The following ALG8 variants were observed in gnomAD, a reference collection of about 807,000 sequenced individuals.
ALG8 encodes dolichyl pyrophosphate Glc1Man9GlcNAc2 alpha-1,3-glucosyltransferase.
In ALG8, 48 loss-of-function variants were observed where a neutral mutation model predicts 70.2. The observed-to-expected ratio is 0.68, with a 90% CI of 0.54 to 0.87. The LOEUF is 0.87. Ranked by LOEUF, ALG8 falls within the 40% of genes least tolerant of loss-of-function variation. The pLI is 0.00. For synonymous variants in ALG8, 234 were observed against 229.0 expected (o/e 1.02, Z -0.20); for missense variants, 572 against 608.7 (o/e 0.94, Z 0.64).
chr11:78,123,941 A>G, intron 3 of ALG8, 80 bp downstream of exon 3: 1 of 1,479,936 alleles, frequency 6.8e-7, no homozygotes, highest in Non-Finnish European at 9.4e-7. Flanking sequence ...TTCCTCCTAA[A>G]TTGGGAGTAA....
intron 1 of ALG8, among the ~76,000 whole-genome samples, chr11:78,134,860 TCA>T (rs1352159688): frequency 6.6e-6 from 1 of 152,230 alleles, no homozygotes; most frequent in East Asian, 1.9e-4. Context: ...CTTGAACCCC[TCA>T]AAGTTATCCA....
At chr11:78,111,946 T>C (rs188887504) in intron 8 of ALG8, among the ~76,000 whole-genome samples, 7 of 152,272 alleles carry the variant, frequency 4.6e-5, no homozygotes, top group African/African-American at 1.7e-4. Flanking sequence ...AGTCACAACT[T>C]ACATATTCTT....
Position 78,109,551 on chromosome 11 carries a change from T to G in ALG8, c.929A>C (p.Asn310Thr). 1 of 1,614,146 alleles carries G rather than the reference T, an allele frequency of 6.2e-7. No individual in the cohort carries two copies. The highest frequency in any genetic ancestry group is 8.5e-7 in the Non-Finnish European group (1 of 1,180,000). The part of the protein sequence containing the change: ...GLKLKFLDPN[N>T]IPKASMTSGL... Reference sequence around the variant, plus strand: ...ACTTGTCATTGAGGCCTTGGGAATATTGTTGGGATCAAGAAATTTCAATTT... The same window carrying G: ...ACTTGTCATTGAGGCCTTGGGAATAGTGTTGGGATCAAGAAATTTCAATTT... Residue 310 changes from asparagine (N) to threonine (T), a missense_variant, in exon 9 of 13, where the codon AAT becomes ACT. Physicochemically the swap from Asn to Thr is moderately conservative, Grantham distance 65. Coordinates refer to ENST00000299626, the MANE Select transcript of ALG8 (RefSeq NM_024079.5).
At chr11:78,132,436 T>C (rs950837499) in intron 1 of ALG8, among the ~76,000 whole-genome samples, 2 of 152,182 alleles carry the variant, frequency 1.3e-5, no homozygotes, top group Non-Finnish European at 1.5e-5. Flanking sequence ...AGCCAAAAAA[T>C]ATTTTATAAA....
rs766278533 is a variant in ALG8, at chr11:78,106,800, T to C, written c.1178+7A>G. The C allele has an allele frequency of 1.6e-4, 263 of 1,613,816 alleles. No individual in the cohort carries two copies. The highest frequency in any genetic ancestry group is 2.1e-4 in the Non-Finnish European group (252 of 1,179,914). Reference sequence around the variant, plus strand: ...CAAAATGCTCACTGGCTGAGCTATCTGCTTACCTCATTGGGAGAATTGCTA... The same window carrying C: ...CAAAATGCTCACTGGCTGAGCTATCCGCTTACCTCATTGGGAGAATTGCTA... On this transcript the variant is annotated splice_region_variant and intron_variant, in intron 10 of 12. Coordinates refer to ENST00000299626, the MANE Select transcript of ALG8 (RefSeq NM_024079.5).
At chr11:78,135,265 G>A (rs959621181) in intron 1 of ALG8, 1 of 152,000 alleles carries the variant, frequency 6.6e-6, no homozygotes, top group Non-Finnish European at 1.5e-5. Context: ...TGAGGTAGGA[G>A]GATTGCTTGA....
chr11:78,131,864 T>C (rs1019162734), intron 1 of ALG8, among the ~76,000 whole-genome samples: 1 of 152,250 alleles, frequency 6.6e-6, no homozygotes, highest in Non-Finnish European at 1.5e-5. Context: ...AGGCCCTTCA[T>C]TAATCTAGCT....
intron 1 of ALG8, among the ~76,000 whole-genome samples, chr11:78,137,857 C>T (rs1317989868): frequency 6.6e-6 from 1 of 152,066 alleles, no homozygotes; most frequent in Non-Finnish European, 1.5e-5. Context: ...AAAATGAGCA[C>T]ATGATGTTAG....
rs766497784 is a variant in ALG8 at position 78,112,696 on chromosome 11, G to C, written c.852C>G (p.Asn284Lys). ...CCAAAGCATTGTACAAAGCCCAGAA[G>C]TTTGGAGCCCAATATGCATGACAGA... ...RGLCHAYWAPNFWALYNALDK... is the reference protein window; with the variant it reads ...RGLCHAYWAPKFWALYNALDK... Residue 284 changes from asparagine to lysine, a missense_variant, in exon 8 of 13, where the codon AAC (asparagine) becomes AAG (lysine). Coordinates refer to ENST00000299626, the MANE Select transcript of ALG8 (RefSeq NM_024079.5). 1.9e-6 allele frequency: 3 copies of C among 1,614,090 alleles called. No individual in the cohort carries two copies. Among genetic ancestry groups the C allele is most frequent in the Non-Finnish European group, 2.5e-6 (3 of 1,179,970 alleles).
At chr11:78,111,992 C>T (rs1228263152) in intron 8 of ALG8, among the ~76,000 whole-genome samples, 1 of 152,048 alleles carries the variant, frequency 6.6e-6, no homozygotes. Flanking sequence ...GTGGGGTAGG[C>T]CAGGCATGGT....
intron 1 of ALG8, among the ~76,000 whole-genome samples, chr11:78,131,586 G>A (rs611181): frequency 0.19 from 28,931 of 152,188 alleles, 3,100 homozygotes; most frequent in Middle Eastern, 0.29. Flanking sequence ...CTGAGCAACA[G>A]AGTTAGACTC....
intron 1 of ALG8, among the ~76,000 whole-genome samples, chr11:78,135,516 G>A (rs975788492): frequency 4.6e-5 from 7 of 151,460 alleles, no homozygotes; most frequent in Non-Finnish European, 1.0e-4. Flanking sequence ...ATTCCAGGCC[G>A]GCCTGAGCAA....
At chr11:78,113,340 G>GT (rs1181891792) in intron 7 of ALG8, among the ~76,000 whole-genome samples, 7 of 152,026 alleles carry the variant, frequency 4.6e-5, no homozygotes, top group Non-Finnish European at 1.0e-4. Flanking sequence ...CTGTGTTTGT[G>GT]TATGTGTAAT....
chr11:78,129,463 G>GA (rs1212733227), intron 1 of ALG8, among the ~76,000 whole-genome samples: 1 of 151,758 alleles, frequency 6.6e-6, no homozygotes, highest in Non-Finnish European at 1.5e-5. Context: ...TTTGCAACAG[G>GA]TAAAAAGTGG....
At chr11:78,112,329 C>T (rs914465568) in intron 8 of ALG8, 1 of 340,144 alleles carries the variant, frequency 2.9e-6, no homozygotes, top group Admixed American at 3.9e-5. Flanking sequence ...GGAAAAAAAG[C>T]AGGGTTAACT....
intron 5 of ALG8, among the ~76,000 whole-genome samples, chr11:78,116,146 G>A (rs1382119050): frequency 1.3e-5 from 2 of 152,030 alleles, no homozygotes; most frequent in African/African-American, 4.8e-5. Flanking sequence ...GATCACTTGA[G>A]GTCAGGAGTT....
intron 8 of ALG8, among the ~76,000 whole-genome samples, chr11:78,110,267 C>T (rs1461906956): frequency 2.6e-5 from 4 of 152,174 alleles, no homozygotes; most frequent in Non-Finnish European, 5.9e-5. Context: ...TCACTGCAGC[C>T]TCTGCCTCCC....
chr11:78,105,579 A>C (rs965852079), intron 10 of ALG8, among the ~76,000 whole-genome samples: 3 of 151,706 alleles, frequency 2.0e-5, no homozygotes, highest in African/African-American at 7.3e-5. Context: ...TGAGGTAGGA[A>C]GACTGCTTGT....
At chr11:78,139,396 G>A in intron 1 of ALG8, 98 bp downstream of exon 1, 1 of 1,237,464 alleles carries the variant, frequency 8.1e-7, no homozygotes, top group Non-Finnish European at 1.2e-6. Flanking sequence ...ACGACCTAAA[G>A]TTTTCTCTTC....
Sources: allele counts gnomAD v4.1 joint callset (sites outside exome capture counted in the v4.1 genomes callset), GRCh38; gene constraint gnomAD v4.1.1; transcripts MANE v1.5; gene names NCBI Gene and HGNC (gene_info 2026-07-23, HGNC 2026-07-21).